The following LCLAT1 variants were observed in gnomAD, a reference collection of about 807,000 sequenced individuals.
LCLAT1 encodes the protein 1-AGP acyltransferase 8.
Under a neutral mutation model 30.7 loss-of-function variants are expected in LCLAT1, and 11 were observed. The ratio of observed to expected loss-of-function variants is 0.36; its 90% confidence interval spans 0.23 to 0.59. The LOEUF is 0.59. LCLAT1 is among the 20% of genes least tolerant of loss of function. LCLAT1 has a pLI of 0.77. For synonymous variants in LCLAT1, 155 were observed against 151.3 expected (o/e 1.02, Z -0.18); for missense variants, 402 against 458.6 (o/e 0.88, Z 1.13).
At chr2:30,453,283 CG>C (rs1301164878) in intron 1 of LCLAT1, among the ~76,000 whole-genome samples, 15 of 152,002 alleles carry the variant, frequency 9.9e-5, no homozygotes, top group Non-Finnish European at 1.9e-4. Flanking sequence ...TGAGTGGTGG[CG>C]GCGGTTCTTC....
At chr2:30,498,029 G>A (rs977279436) in intron 1 of LCLAT1, among the ~76,000 whole-genome samples, 2 of 152,186 alleles carry the variant, frequency 1.3e-5, no homozygotes, top group Non-Finnish European at 1.5e-5. Flanking sequence ...TCTAGATGAA[G>A]CAGTCTTGTT....
chr2:30,628,821 A>G (rs1011375752), intron 5 of LCLAT1, among the ~76,000 whole-genome samples: 4 of 152,244 alleles, frequency 2.6e-5, no homozygotes, highest in African/African-American at 9.6e-5. Context: ...TTTCAGAGAA[A>G]TATAGGATAC....
intron 1 of LCLAT1, among the ~76,000 whole-genome samples, chr2:30,485,795 C>A (rs1372079273): frequency 6.6e-6 from 1 of 152,082 alleles, no homozygotes; most frequent in East Asian, 1.9e-4. Flanking sequence ...TGAATTAATG[C>A]TATAGGAACA....
chr2:30,523,783 G>A (rs1258343883), intron 1 of LCLAT1, among the ~76,000 whole-genome samples: 3 of 152,164 alleles, frequency 2.0e-5, no homozygotes. Flanking sequence ...CAGGAGAATC[G>A]CTTGAACCCG....
intron 1 of LCLAT1, among the ~76,000 whole-genome samples, chr2:30,517,267 T>A (rs1414737631): frequency 6.6e-6 from 1 of 152,232 alleles, no homozygotes; most frequent in Non-Finnish European, 1.5e-5. Flanking sequence ...AGAGAAGCTC[T>A]ACACTGCATC....
chr2:30,583,956 T>C (rs1414757665), intron 5 of LCLAT1, among the ~76,000 whole-genome samples: 1 of 152,142 alleles, frequency 6.6e-6, no homozygotes, highest in African/African-American at 2.4e-5. Flanking sequence ...GCAGGTTTGT[T>C]ACTTAGGGAT....
chr2:30,488,037 G>A (rs1479529914), intron 1 of LCLAT1, among the ~76,000 whole-genome samples: 1 of 152,186 alleles, frequency 6.6e-6, no homozygotes, highest in African/African-American at 2.4e-5. Flanking sequence ...GGATTTTATG[G>A]TATGTGAATT....
intron 1 of LCLAT1, among the ~76,000 whole-genome samples, chr2:30,479,097 A>T (rs75561006): frequency 1.3e-5 from 2 of 152,162 alleles, no homozygotes. Flanking sequence ...GGATATTTAT[A>T]CAGTGAAATA....
At chr2:30,490,271 C>T (rs1683776905) in intron 1 of LCLAT1, among the ~76,000 whole-genome samples, 1 of 147,798 alleles carries the variant, frequency 6.8e-6, no homozygotes, top group Non-Finnish European at 1.5e-5. Context: ...GGCACAATCT[C>T]AGCTCACTGC....
chr2:30,552,627 G>C, intron 3 of LCLAT1: 1 of 392,402 alleles, frequency 2.5e-6, no homozygotes, highest in Non-Finnish European at 5.2e-6. Context: ...GAGGGATGTG[G>C]AGAGCATTAC....
chr2:30,595,812 C>G (rs1183504039), intron 5 of LCLAT1, among the ~76,000 whole-genome samples: 1 of 152,038 alleles, frequency 6.6e-6, no homozygotes, highest in Admixed American at 6.6e-5. Flanking sequence ...ACGGCAGGCC[C>G]CAGTGTGTGT....
chr2:30,631,562 A>G (rs920093521), intron 5 of LCLAT1, among the ~76,000 whole-genome samples: 17 of 152,248 alleles, frequency 1.1e-4, no homozygotes, highest in African/African-American at 4.1e-4. Context: ...TGAAGTATCA[A>G]GATGTTGCCA....
chr2:30,569,546 T>C (rs1326421682), intron 5 of LCLAT1, among the ~76,000 whole-genome samples: 7 of 152,216 alleles, frequency 4.6e-5, no homozygotes, highest in Admixed American at 2.0e-4. Flanking sequence ...GTAACTGATA[T>C]ATTTTCATAA....
At chr2:30,515,515 C>T (rs1046813351) in intron 1 of LCLAT1, among the ~76,000 whole-genome samples, 49 of 152,130 alleles carry the variant, frequency 3.2e-4, no homozygotes, top group African/African-American at 1.1e-3. Context: ...TAAAGAATAA[C>T]GTACACAGTT....
chr2:30,540,604 G>A (rs1664085787), intron 3 of LCLAT1, among the ~76,000 whole-genome samples: 1 of 151,792 alleles, frequency 6.6e-6, no homozygotes, highest in African/African-American at 2.4e-5. Context: ...TGGGTCTTTG[G>A]CAAACTTAGA....
chr2:30,608,654 C>G (rs1050104158), intron 5 of LCLAT1, among the ~76,000 whole-genome samples: 1 of 152,094 alleles, frequency 6.6e-6, no homozygotes, highest in Non-Finnish European at 1.5e-5. Context: ...CAGTAACATG[C>G]TGTACAGGTT....
intron 1 of LCLAT1, among the ~76,000 whole-genome samples, chr2:30,519,057 C>G (rs1004953104): frequency 1.3e-5 from 2 of 152,224 alleles, no homozygotes; most frequent in African/African-American, 4.8e-5. Flanking sequence ...TACCTCTACT[C>G]ACAGCAGGTT....
At chr2:30,504,292 A>ACAGTCTATATGC (rs6146702) in intron 1 of LCLAT1, among the ~76,000 whole-genome samples, 108,737 of 151,640 alleles carry the variant, frequency 0.72, 40,401 homozygotes, top group East Asian at 0.87. Flanking sequence ...CTGCTTTCTG[A>ACAGTCTATATGC]CTTCATCACT....
At chr2:30,595,282 C>T (rs865913734) in intron 5 of LCLAT1, among the ~76,000 whole-genome samples, 1 of 152,128 alleles carries the variant, frequency 6.6e-6, no homozygotes, top group African/African-American at 2.4e-5. Flanking sequence ...CCCCATTCCA[C>T]GTCTGTCTCT....
Sources: gnomAD v4.1 joint callset for allele counts (sites outside exome capture counted in the v4.1 genomes callset) on GRCh38, gnomAD v4.1.1 for gene constraint, MANE v1.5 for transcripts, NCBI Gene and HGNC (gene_info 2026-07-23, HGNC 2026-07-21) for gene names.